HTR2C: variants seen among roughly 807,000 people sequenced by gnomAD.
HTR2C encodes the protein 5-hydroxytryptamine receptor 2C, also known as 5-hydroxytryptamine (serotonin) receptor 2C, G protein-coupled.
HTR2C carries 5 observed loss-of-function variants against 21.0 expected under a neutral mutation model. That is an observed-to-expected ratio of 0.24 (90% CI 0.12 to 0.50). The LOEUF (loss-of-function observed/expected upper bound fraction) is 0.50. HTR2C is among the 20% of genes least tolerant of loss of function. HTR2C has a pLI of 0.98. For synonymous variants in HTR2C, 150 were observed against 145.3 expected, an observed-to-expected ratio of 1.03 and a Z score of -0.23; for missense variants, 271 against 371.2, an observed-to-expected ratio of 0.73 and a Z score of 2.22.
intron 4 of HTR2C, among the ~76,000 whole-genome samples, chrX:114,801,264 T>C (rs1282758261): frequency 9.0e-6 from 1 of 111,588 alleles, no homozygotes; most frequent in East Asian, 2.8e-4. Context: ...CTCCCAAGGT[T>C]CATCCATCAT....
chrX:114,768,802 C>T (rs1353564600), intron 4 of HTR2C, among the ~76,000 whole-genome samples: 1 of 111,264 alleles, frequency 9.0e-6, no homozygotes, highest in African/African-American at 3.2e-5. Flanking sequence ...AATTTGTAAG[C>T]TCTATTTAAT....
chrX:114,726,488 C>T (rs782302408), intron 2 of HTR2C, among the ~76,000 whole-genome samples: 6 of 112,653 alleles, frequency 5.3e-5, no homozygotes, highest in Non-Finnish European at 9.4e-5. Flanking sequence ...GCGTCGCTCA[C>T]GCTGGGAGCT....
At chrX:114,878,497 C>T (rs2071156346) in intron 5 of HTR2C, among the ~76,000 whole-genome samples, 1 of 110,726 alleles carries the variant, frequency 9.0e-6, no homozygotes, top group African/African-American at 3.3e-5. Flanking sequence ...GCTTTACAAC[C>T]TTCCAATAAA....
chrX:114,658,439 G>A (rs1354855660), intron 2 of HTR2C, among the ~76,000 whole-genome samples: 1 of 111,736 alleles, frequency 8.9e-6, no homozygotes, highest in African/African-American at 3.2e-5. Flanking sequence ...GGAAATTGCT[G>A]AGTTCTGTCT....
intron 4 of HTR2C, 26 bp downstream of exon 4, chrX:114,731,633 A>G: frequency 2.0e-6 from 2 of 1,009,531 alleles, no homozygotes; most frequent in Non-Finnish European, 2.7e-6. Context: ...TTCACTTTTC[A>G]ATCTCGTATA....
At chrX:114,871,044 T>G (rs2071087994) in intron 5 of HTR2C, among the ~76,000 whole-genome samples, 1 of 111,294 alleles carries the variant, frequency 9.0e-6, no homozygotes, top group Non-Finnish European at 1.9e-5. Flanking sequence ...TTTTCCTCTT[T>G]TTTGATGTAG....
intron 4 of HTR2C, among the ~76,000 whole-genome samples, chrX:114,821,534 C>T (rs2070632556): frequency 9.0e-6 from 1 of 111,338 alleles, no homozygotes; most frequent in African/African-American, 3.3e-5. Flanking sequence ...TGTATCCCAT[C>T]AAATTCCATG....
At chrX:114,811,837 C>T (rs192947473) in intron 4 of HTR2C, among the ~76,000 whole-genome samples, 243 of 112,375 alleles carry the variant, frequency 2.2e-3, no homozygotes, top group Middle Eastern at 4.7e-3. Flanking sequence ...ACCACCAGTT[C>T]ATCTCCTAAA....
At chrX:114,849,760 G>A (rs181805577) in intron 5 of HTR2C, among the ~76,000 whole-genome samples, 2 of 111,774 alleles carry the variant, frequency 1.8e-5, no homozygotes, top group East Asian at 2.8e-4. Flanking sequence ...AGATGATTTC[G>A]TATTATTCAG....
chrX:114,715,881 A>G (rs1472100166), intron 2 of HTR2C, among the ~76,000 whole-genome samples: 1 of 112,403 alleles, frequency 8.9e-6, no homozygotes, highest in East Asian at 2.8e-4. Flanking sequence ...TGTAAGCTCC[A>G]TTGGAGCAGG....
intron 4 of HTR2C, among the ~76,000 whole-genome samples, chrX:114,773,990 A>T (rs1333846244): frequency 8.9e-6 from 1 of 111,946 alleles, no homozygotes; most frequent in Non-Finnish European, 1.9e-5. Context: ...AAAGAAAACA[A>T]AAGTCATTGT....
At chrX:114,881,967 T>A (rs2147519898) in intron 5 of HTR2C, among the ~76,000 whole-genome samples, 1 of 110,725 alleles carries the variant, frequency 9.0e-6, no homozygotes, top group African/African-American at 3.3e-5. Flanking sequence ...TCAAATCTAA[T>A]CCATGAGCAT....
chrX:114,596,093 A>C (rs1927834415), intron 1 of HTR2C, among the ~76,000 whole-genome samples: 1 of 112,213 alleles, frequency 8.9e-6, no homozygotes, highest in African/African-American at 3.2e-5. Flanking sequence ...TAAAGAAAAC[A>C]TTTCTACCTT....
intron 4 of HTR2C, among the ~76,000 whole-genome samples, chrX:114,839,430 T>C (rs1229019558): frequency 8.9e-6 from 1 of 111,940 alleles, no homozygotes. Context: ...CTTATGCCTG[T>C]AATCCCAGCA....
At chrX:114,867,283 T>C (rs1356482798) in intron 5 of HTR2C, among the ~76,000 whole-genome samples, 1 of 111,744 alleles carries the variant, frequency 8.9e-6, no homozygotes, top group African/African-American at 3.2e-5. Flanking sequence ...TTTGTATGCT[T>C]GTTTGTCATT....
intron 4 of HTR2C, among the ~76,000 whole-genome samples, chrX:114,766,069 A>C: frequency 8.9e-6 from 1 of 111,998 alleles, no homozygotes; most frequent in Non-Finnish European, 1.9e-5. Context: ...TCTGTCTTTC[A>C]AAGAGAGGAC....
chrX:114,683,549 C>T (rs1931817789), intron 2 of HTR2C, among the ~76,000 whole-genome samples: 1 of 110,834 alleles, frequency 9.0e-6, no homozygotes, highest in South Asian at 3.9e-4. Context: ...TTTTGGGAGG[C>T]CAAGGCGGGC....
At chrX:114,703,806 A>T (rs2147312392) in intron 2 of HTR2C, among the ~76,000 whole-genome samples, 1 of 110,705 alleles carries the variant, frequency 9.0e-6, no homozygotes, top group African/African-American at 3.3e-5. Flanking sequence ...AAATTGATAG[A>T]CCGCTAGCAA....
intron 1 of HTR2C, among the ~76,000 whole-genome samples, chrX:114,595,666 T>G (rs1035955712): frequency 3.4e-4 from 38 of 110,994 alleles, no homozygotes; most frequent in Middle Eastern, 4.8e-3. Flanking sequence ...TGTATATATA[T>G]ATAGAGAGAG....
Sources: gnomAD v4.1 joint callset for allele counts (sites outside exome capture counted in the v4.1 genomes callset) on GRCh38, gnomAD v4.1.1 for gene constraint, MANE v1.5 for transcripts, NCBI Gene and HGNC (gene_info 2026-07-23, HGNC 2026-07-21) for gene names.